Variants in ARHGEF37 observed in about 807,000 individuals in gnomAD.
ARHGEF37 encodes Rho guanine nucleotide exchange factor (GEF) 37.
Under a neutral mutation model 71.1 loss-of-function variants are expected in ARHGEF37, and 55 were observed. That is an observed-to-expected ratio of 0.77 (90% confidence interval 0.62 to 0.97). The LOEUF (loss-of-function observed/expected upper bound fraction) is 0.97. Ranked by LOEUF, ARHGEF37 falls within the 50% of genes least tolerant of loss-of-function variation. ARHGEF37 has a pLI of 0.00. For synonymous variants in ARHGEF37, 327 were observed against 350.6 expected (o/e 0.93, Z 0.75); for missense variants, 765 against 836.8 (o/e 0.91, Z 1.06).
intron 12 of ARHGEF37, 78 bp downstream of exon 12, chr5:149,629,044 AGTCTAT>A: frequency 6.7e-7 from 1 of 1,489,542 alleles, no homozygotes; most frequent in Non-Finnish European, 9.0e-7. Context: ...TCTCTCTCAA[AGTCTAT>A]GCCCCTCCTG....
At chr5:149,571,318 C>T (rs779264683) in intron 1 of ARHGEF37, among the ~76,000 whole-genome samples, 2 of 152,068 alleles carry the variant, frequency 1.3e-5, no homozygotes, top group African/African-American at 2.4e-5. Context: ...TGCAGTGGCA[C>T]GACCTCGGCT....
intron 10 of ARHGEF37, chr5:149,626,865 A>T (rs1212403863): frequency 2.4e-6 from 1 of 416,116 alleles, no homozygotes; most frequent in African/African-American, 2.0e-5. Context: ...AGAATCCCAG[A>T]AATTAGAAGT....
At chr5:149,571,490 C>T (rs1318787880) in intron 1 of ARHGEF37, among the ~76,000 whole-genome samples, 1 of 152,098 alleles carries the variant, frequency 6.6e-6, no homozygotes, top group Admixed American at 6.5e-5. Flanking sequence ...TAAAGAAGAC[C>T]TACGTAAATG....
chr5:149,578,573 G>A (rs1024182785), upstream of ARHGEF37, among the ~76,000 whole-genome samples: 1 of 152,200 alleles, frequency 6.6e-6, no homozygotes, highest in African/African-American at 2.4e-5. Context: ...CAGGCAATAA[G>A]AGGAATCTAA....
At chr5:149,616,136 G>T (rs888730010) in intron 4 of ARHGEF37, among the ~76,000 whole-genome samples, 1 of 152,134 alleles carries the variant, frequency 6.6e-6, no homozygotes, top group Non-Finnish European at 1.5e-5. Flanking sequence ...AGAGAAAGTG[G>T]AGAGAGAGGG....
At chr5:149,569,341 G>A (rs1762935577) in intron 1 of ARHGEF37, among the ~76,000 whole-genome samples, 1 of 151,756 alleles carries the variant, frequency 6.6e-6, no homozygotes. Context: ...TTTTTGAGAT[G>A]GAGGTCTTAC....
rs371267019 is a variant in ARHGEF37, at chr5:149,616,750, G to A, written c.642G>A (p.Lys214=). The A allele has an allele frequency of 1.2e-5, 19 of 1,604,536 alleles. No individual in the cohort carries two copies. Among genetic ancestry groups the A allele is most frequent in the Non-Finnish European group, 1.6e-5 (19 of 1,172,278 alleles). The change falls in exon 5 of 13, where the codon AAG becomes AAA. Residue 214 remains lysine (K), a synonymous_variant. Transcript: ENST00000333677. ...QDVNTNINEY[K]MRKEVASKYT... The stretch of plus-strand genomic sequence containing the variant: ...TGAACACCAATATCAATGAGTACAA[G>A]ATGCGCAAGGAAGTGGGTAAGGACT...
rs71587782 is a variant in ARHGEF37, at chr5:149,598,263, C to CTCCTCTTCT, written c.186+310_186+311insCTCTTCTTC. Among the ~76,000 whole-genome samples the CTCCTCTTCT allele has an allele frequency of 5.0e-3, 339 of 67,754 alleles. 2 individuals carry two copies. Among genetic ancestry groups the CTCCTCTTCT allele is most frequent in the Admixed American group, 6.5e-3 (36 of 5,538 alleles). The allele number at this position is 67,754 out of a possible 152,430, so 44.4% of individuals were successfully genotyped here. Reference sequence around the variant, plus strand: ...GTTTGGAACAGATTGCTTAAACTGACTCTTCTTCTTCTTCTTCTTCTTCTT... The same window carrying CTCCTCTTCT: ...GTTTGGAACAGATTGCTTAAACTGACTCCTCTTCTTCTTCTTCTTCTTCTTCTTCTTCTT... On this transcript the variant is annotated intron_variant, in intron 2 of 12. Coordinates refer to ENST00000333677, the MANE Select transcript of ARHGEF37 (RefSeq NM_001001669.3).
chr5:149,619,904 T>C (rs1426567898), intron 7 of ARHGEF37, among the ~76,000 whole-genome samples: 1 of 151,984 alleles, frequency 6.6e-6, no homozygotes. Context: ...ACCTTGTGTC[T>C]ACTAAAAATA....
intron 1 of ARHGEF37, among the ~76,000 whole-genome samples, chr5:149,566,337 A>G (rs1232967024): frequency 6.6e-6 from 1 of 151,946 alleles, no homozygotes; most frequent in Non-Finnish European, 1.5e-5. Context: ...TCTCTACTAA[A>G]AATACAAAAA....
intron 1 of ARHGEF37, among the ~76,000 whole-genome samples, chr5:149,561,654 T>C (rs1762833302): frequency 6.6e-6 from 1 of 152,224 alleles, no homozygotes; most frequent in African/African-American, 2.4e-5. Context: ...GACTAAATGC[T>C]GCATTTCGCC....
At chr5:149,620,181 G>A (rs541950601) in intron 7 of ARHGEF37, among the ~76,000 whole-genome samples, 173 bp from the exon 8 acceptor site, 3 of 152,308 alleles carry the variant, frequency 2.0e-5, no homozygotes, top group East Asian at 1.9e-4. Context: ...AGTCTAAGGC[G>A]GAACTTTCTA....
chr5:149,628,762 G>C, intron 11 of ARHGEF37, 47 bp from the exon 12 acceptor site: 1 of 1,569,728 alleles, frequency 6.4e-7, no homozygotes, highest in Non-Finnish European at 8.7e-7. Flanking sequence ...CATTAAAAGG[G>C]ACGGGAAGGT....
upstream of ARHGEF37, among the ~76,000 whole-genome samples, chr5:149,579,573 GTTATTA>G (rs147820026): frequency 0.015 from 2,334 of 151,586 alleles, 226 homozygotes; most frequent in East Asian, 0.29. Context: ...GGCAACTGAT[GTTATTA>G]TTATTATTAT....
At chr5:149,583,911 C>G (rs1481579905) in intron 1 of ARHGEF37, among the ~76,000 whole-genome samples, 1 of 152,120 alleles carries the variant, frequency 6.6e-6, no homozygotes, top group African/African-American at 2.4e-5. Context: ...CAGGCATATG[C>G]CACCACACCT....
intron 1 of ARHGEF37, among the ~76,000 whole-genome samples, chr5:149,561,222 G>A (rs1002893034): frequency 1.6e-4 from 23 of 142,976 alleles, no homozygotes; most frequent in South Asian, 6.6e-4. Flanking sequence ...GCAGTGAGCC[G>A]AGATCACGCC....
chr5:149,555,063 G>A (rs1244744605), intron 1 of ARHGEF37, among the ~76,000 whole-genome samples: 6 of 151,416 alleles, frequency 4.0e-5, no homozygotes, highest in South Asian at 2.1e-4. Context: ...CCCGAGAGGC[G>A]GAAGTTGCAG....
At chr5:149,588,985 A>G (rs939291964) in intron 1 of ARHGEF37, among the ~76,000 whole-genome samples, 1 of 152,118 alleles carries the variant, frequency 6.6e-6, no homozygotes, top group Admixed American at 6.5e-5. Context: ...ATCCCAGTGC[A>G]CTAGGAGGCC....
At chr5:149,554,566 G>C (rs971017265) in intron 1 of ARHGEF37, among the ~76,000 whole-genome samples, 8 of 151,862 alleles carry the variant, frequency 5.3e-5, no homozygotes, top group African/African-American at 1.7e-4. Flanking sequence ...ACAAAAATGA[G>C]ATGTGAGTGG....
Sources: gnomAD v4.1 joint callset for allele counts (sites outside exome capture counted in the v4.1 genomes callset) on GRCh38, gnomAD v4.1.1 for gene constraint, MANE v1.5 for transcripts, NCBI Gene and HGNC (gene_info 2026-07-23, HGNC 2026-07-21) for gene names.